The following ATP11B variants were observed in gnomAD, a reference collection of about 807,000 sequenced individuals.
ATP11B encodes ATPase phospholipid transporting 11B (putative).
Under a neutral mutation model 157.8 loss-of-function variants are expected in ATP11B, and 81 were observed. That is an observed-to-expected ratio of 0.51 (90% CI 0.43 to 0.62). The LOEUF is 0.62. ATP11B is among the 20% of genes least tolerant of loss of function. The probability of loss-of-function intolerance (pLI) is 0.00; values close to 1 mark genes in which losing one functional copy is unlikely to be tolerated. For missense variants in ATP11B, 1,165 were observed against 1,402.2 expected (o/e 0.83, Z 2.70); for synonymous variants, 451 against 469.4 (o/e 0.96, Z 0.51).
At chr3:182,822,814 C>A (rs2108500491) in intron 2 of ATP11B, among the ~76,000 whole-genome samples, 1 of 152,324 alleles carries the variant, frequency 6.6e-6, no homozygotes, top group Admixed American at 6.5e-5. Context: ...GCCATTCTAA[C>A]TGGTGTGAGA....
chr3:182,803,838 T>C (rs1350472852), intron 1 of ATP11B, among the ~76,000 whole-genome samples: 4 of 152,242 alleles, frequency 2.6e-5, no homozygotes, highest in Non-Finnish European at 5.9e-5. Flanking sequence ...TACTCTGTCA[T>C]ATACCAGCAT....
At chr3:182,899,093 C>CAT (rs762811125) in intron 28 of ATP11B, among the ~76,000 whole-genome samples, 29 of 150,238 alleles carry the variant, frequency 1.9e-4, no homozygotes, top group African/African-American at 4.6e-4. Context: ...AGCATTCTAT[C>CAT]ATATATATAT....
In ATP11B at chr3:182,793,789, A is replaced by G. The variant is rs1576932411; in HGVS notation, c.27+3A>G. 1.4e-5 allele frequency: 20 copies of G among 1,395,262 alleles called. No homozygotes were observed. In the African/African-American group the frequency reaches 1.6e-4, roughly 11 times the overall value. The allele number at this position is 1,395,262 out of a possible 1,614,324, so 86.4% of individuals were successfully genotyped here. A position where few individuals can be genotyped will look rare whatever the true frequency, so the allele number is the denominator to read the frequency against. On this transcript the variant is annotated splice_donor_region_variant and intron_variant, in intron 1 of 29. Coordinates refer to ENST00000323116, the MANE Select transcript of ATP11B (RefSeq NM_014616.3). ...GGCGCTGGATCCGGCAGCAGCTGGT[A>G]GGTGCCCCCGCCCCTCCACCTCCAT...
chr3:182,812,667 G>A (rs9861748), intron 1 of ATP11B, among the ~76,000 whole-genome samples: 106,333 of 152,084 alleles, frequency 0.7, 37,811 homozygotes, highest in Non-Finnish European at 0.77. Flanking sequence ...GATGCAGAAA[G>A]TCCACAGTGA....
At position 182,862,155 on chromosome 3, in the gene ATP11B, C is replaced by T. The variant is rs143977093; in HGVS notation, c.1200+2796C>T. 8.5e-3 allele frequency among the ~76,000 whole-genome samples: 1,290 copies of T among 152,020 alleles called. 22 individuals are homozygous for T. The highest frequency in any genetic ancestry group is 0.03 in the African/African-American group (1,224 of 41,452). ...ATTAGCTGGGCGCAGTGGTGTGTGC[C>T]TGTGGTCCCAGCTACCTGGGAGGCT... is the stretch of plus-strand genomic sequence containing the variant. On this transcript the variant is annotated intron_variant, in intron 12 of 29. Transcript: ENST00000323116.
intron 12 of ATP11B, among the ~76,000 whole-genome samples, chr3:182,863,035 C>T (rs1206804862): frequency 1.3e-5 from 2 of 151,932 alleles, no homozygotes; most frequent in African/African-American, 2.4e-5. Flanking sequence ...CCTGCCTCAG[C>T]CTCTCCGAGT....
At chr3:182,829,433 C>T (rs1368324059) in intron 3 of ATP11B, among the ~76,000 whole-genome samples, 1 of 152,166 alleles carries the variant, frequency 6.6e-6, no homozygotes, top group Admixed American at 6.5e-5. Context: ...TAGTTCCACT[C>T]CTTGGCGAAT....
chr3:182,902,390 A>T (rs1724028397), intron 28 of ATP11B: 2 of 613,074 alleles, frequency 3.3e-6, no homozygotes, highest in Non-Finnish European at 5.0e-6. Context: ...GAACAGATGT[A>T]TTTACAAAGC....
At chr3:182,869,504 T>C (rs1318216610) in intron 17 of ATP11B, among the ~76,000 whole-genome samples, 173 bp downstream of exon 17, 2 of 152,246 alleles carry the variant, frequency 1.3e-5, no homozygotes, top group East Asian at 1.9e-4. Context: ...AGCAAAAATA[T>C]ATCTTCTCTT....
Position 182,921,486 on chromosome 3 carries a change from G to C in ATP11B, c.*3382G>C, listed in dbSNP as rs571119099. On this transcript the variant is annotated 3_prime_UTR_variant, in exon 30 of 30. Transcript: ENST00000323116. Reference sequence around the variant, plus strand: ...GTAGCAATACTTGGTTTAAAATTTTGGACCTGAGACACTGTGGCTGTCTAA... The same window carrying C: ...GTAGCAATACTTGGTTTAAAATTTTCGACCTGAGACACTGTGGCTGTCTAA... The C allele has an allele frequency of 2.6e-5, 4 of 152,048 alleles. No homozygotes were observed. Among genetic ancestry groups the C allele is most frequent in the Non-Finnish European group, 5.9e-5 (4 of 68,012 alleles). 9.4% of individuals were successfully genotyped at this position (152,048 alleles called of 1,614,324 possible).
intron 11 of ATP11B, 97 bp downstream of exon 11, chr3:182,858,125 T>C (rs967156035): frequency 1.3e-5 from 14 of 1,118,982 alleles, no homozygotes; most frequent in Admixed American, 4.6e-5. Context: ...ACCACTGTAA[T>C]CCTAAAACTG....
chr3:182,878,511 G>A (rs571041084), intron 19 of ATP11B, among the ~76,000 whole-genome samples: 19 of 152,186 alleles, frequency 1.2e-4, no homozygotes, highest in Non-Finnish European at 2.1e-4. Flanking sequence ...GGAGAATTGT[G>A]GGGGGAAGCA....
chr3:182,892,245 A>G lies in ATP11B; in HGVS notation c.2982+2697A>G, dbSNP rs894364000. 3.9e-5 allele frequency among the ~76,000 whole-genome samples: 6 copies of G among 152,092 alleles called. No individual in the cohort carries two copies. In the South Asian group the frequency reaches 8.3e-4, roughly 21 times the overall value. ...CTATTCTTCGCAGTTGAGCCCACAG[A>G]CGCCTTTCCTGTTGGTCCAGCTCCC... On this transcript the variant is annotated intron_variant, in intron 25 of 29. Coordinates refer to ENST00000323116, the MANE Select transcript of ATP11B (RefSeq NM_014616.3).
chr3:182,818,982 CAAAG>C (rs753721171), intron 1 of ATP11B, among the ~76,000 whole-genome samples: 5 of 150,658 alleles, frequency 3.3e-5, no homozygotes, highest in Non-Finnish European at 7.4e-5. Flanking sequence ...CTGTTAGAAC[CAAAG>C]AAAGAAAGTC....
chr3:182,866,133 C>T (rs1163206821), intron 13 of ATP11B, 135 bp from the exon 14 acceptor site: 3 of 627,700 alleles, frequency 4.8e-6, no homozygotes, highest in Non-Finnish European at 5.0e-6. Flanking sequence ...TTTTTGAAGG[C>T]AGAAACAACC....
chr3:182,887,637 C>T lies in ATP11B; in HGVS notation c.2767C>T (p.Leu923=), dbSNP rs1296694979. The change falls in exon 24 of 30, where the codon CTA becomes TTA. Residue 923 remains leucine (L), a synonymous_variant. Transcript: ENST00000323116. The part of the protein sequence containing the change: ...LTLYNICFTS[L]PILIYSLLEQ... ...TTTATACAATATTTGTTTTACTTCC[C>T]TACCTATTCTGATATATAGTCTTTT... The T allele has an allele frequency of 6.2e-7, 1 of 1,612,656 alleles. No individual in the cohort carries two copies. The highest frequency in any genetic ancestry group is 1.7e-5 in the Admixed American group (1 of 59,872).
At chr3:182,852,478 A>T (rs755617350) in intron 10 of ATP11B, among the ~76,000 whole-genome samples, 8 of 152,270 alleles carry the variant, frequency 5.3e-5, no homozygotes, top group Admixed American at 2.0e-4. Flanking sequence ...TTTACAATTT[A>T]GATGAAATGG....
rs1725464421 is a variant in ATP11B at position 182,921,228 on chromosome 3, C to CAT, written c.*3125_*3126insTA. The CAT allele has an allele frequency of 2.6e-5, 4 of 152,286 alleles. No individual in the cohort carries two copies. In the South Asian group the frequency reaches 8.3e-4, roughly 32 times the overall value. The allele number at this position is 152,286 out of a possible 1,614,324, so 9.4% of individuals were successfully genotyped here. On this transcript the variant is annotated 3_prime_UTR_variant, in exon 30 of 30. Transcript: ENST00000323116. ...TATAAGCAGGTATTAATAAAAATAA[C>CAT]ACACCAAAGAGTTACGTAAAACATG... is the stretch of plus-strand genomic sequence containing the variant.
intron 4 of ATP11B, chr3:182,833,988 C>T (rs1426477697): frequency 6.6e-6 from 1 of 152,196 alleles, no homozygotes; most frequent in Non-Finnish European, 1.5e-5. Context: ...CATTGAGAAT[C>T]ACTGAAGGGG....
Sources: gnomAD v4.1 joint callset for allele counts (sites outside exome capture counted in the v4.1 genomes callset) on GRCh38, gnomAD v4.1.1 for gene constraint, MANE v1.5 for transcripts, NCBI Gene and HGNC (gene_info 2026-07-23, HGNC 2026-07-21) for gene names.